INVS: variants seen among roughly 807,000 people sequenced by gnomAD.
INVS encodes inversin.
Under a neutral mutation model 108.8 loss-of-function variants are expected in INVS, and 86 were observed. The observed-to-expected ratio is 0.79, with a 90% CI of 0.66 to 0.95. INVS has a LOEUF of 0.95. Ranked by LOEUF, INVS falls within the 40% of genes least tolerant of loss-of-function variation. INVS has a pLI of 0.00. For missense variants in INVS, 1,169 were observed against 1,297.4 expected (o/e 0.90, Z 1.52); for synonymous variants, 455 against 473.5 (o/e 0.96, Z 0.51).
At chr9:100,176,718 C>A (rs949508749) in intron 3 of INVS, among the ~76,000 whole-genome samples, 1 of 152,018 alleles carries the variant, frequency 6.6e-6, no homozygotes, top group African/African-American at 2.4e-5. Context: ...CCTTGTGATC[C>A]GCCCGCCTCA....
intron 10 of INVS, among the ~76,000 whole-genome samples, chr9:100,256,269 A>C (rs1428053966): frequency 6.6e-6 from 1 of 151,904 alleles, no homozygotes; most frequent in Non-Finnish European, 1.5e-5. Context: ...TATTCCCTTT[A>C]TCATTTTTTA....
chr9:100,249,522 T>G (rs1422883717), intron 8 of INVS, among the ~76,000 whole-genome samples: 1 of 151,984 alleles, frequency 6.6e-6, no homozygotes, highest in African/African-American at 2.4e-5. Flanking sequence ...TGAGACAGAG[T>G]CTCACTCTCT....
chr9:100,122,890 A>G (rs1419126044), intron 2 of INVS, among the ~76,000 whole-genome samples: 2 of 152,006 alleles, frequency 1.3e-5, no homozygotes, highest in Non-Finnish European at 2.9e-5. Context: ...AGCCTAATCA[A>G]GTCTTCTTTT....
intron 4 of INVS, among the ~76,000 whole-genome samples, chr9:100,228,709 C>T (rs926859388): frequency 6.6e-6 from 1 of 152,190 alleles, no homozygotes; most frequent in Non-Finnish European, 1.5e-5. Flanking sequence ...CTCAGTTCAG[C>T]CACTTACTTC....
intron 7 of INVS, among the ~76,000 whole-genome samples, chr9:100,243,322 A>T (rs1326455954): frequency 1.3e-5 from 2 of 152,168 alleles, no homozygotes; most frequent in Non-Finnish European, 2.9e-5. Context: ...TAAGATGAGG[A>T]TAATTATACC....
chr9:100,139,673 C>T (rs1364156518), intron 3 of INVS, among the ~76,000 whole-genome samples: 1 of 152,148 alleles, frequency 6.6e-6, no homozygotes, highest in Non-Finnish European at 1.5e-5. Context: ...GATAGAGTCT[C>T]ACTTTGTCAC....
At chr9:100,151,488 T>A (rs549576543) in intron 3 of INVS, among the ~76,000 whole-genome samples, 1 of 151,446 alleles carries the variant, frequency 6.6e-6, no homozygotes, top group African/African-American at 2.4e-5. Flanking sequence ...AAAAAAATAA[T>A]AATAAATATA....
chr9:100,183,416 A>G (rs779628134), intron 3 of INVS, among the ~76,000 whole-genome samples: 15 of 152,228 alleles, frequency 9.9e-5, no homozygotes, highest in Admixed American at 1.3e-4. Context: ...AGAATTCTGT[A>G]TCTGGTAAAA....
At chr9:100,299,517 C>A (rs1833887972) in intron 16 of INVS, among the ~76,000 whole-genome samples, 1 of 151,390 alleles carries the variant, frequency 6.6e-6, no homozygotes, top group Non-Finnish European at 1.5e-5. Context: ...TTGCAAACCA[C>A]CCACCAAGAA....
intron 5 of INVS, among the ~76,000 whole-genome samples, chr9:100,230,939 T>A (rs1485503923): frequency 6.6e-6 from 1 of 152,260 alleles, no homozygotes; most frequent in Non-Finnish European, 1.5e-5. Context: ...ATACTTTGTT[T>A]CCAGTTTTTT....
intron 3 of INVS, among the ~76,000 whole-genome samples, chr9:100,224,725 T>G (rs1831256740): frequency 6.6e-6 from 1 of 151,886 alleles, no homozygotes; most frequent in Non-Finnish European, 1.5e-5. Context: ...CAAGCAAGTC[T>G]CTGCCTCAGC....
At chr9:100,124,538 A>C (rs1049721587) in intron 2 of INVS, among the ~76,000 whole-genome samples, 2 of 136,362 alleles carry the variant, frequency 1.5e-5, no homozygotes, top group Admixed American at 7.1e-5. Context: ...ACACAGTGAG[A>C]CCCTCATTAA....
At chr9:100,208,233 G>A (rs562495697) in intron 3 of INVS, among the ~76,000 whole-genome samples, 1 of 152,176 alleles carries the variant, frequency 6.6e-6, no homozygotes, top group South Asian at 2.1e-4. Flanking sequence ...ATTTTTTAAA[G>A]ATGGCTAAAT....
At chr9:100,200,941 C>T (rs1830513762) in intron 3 of INVS, among the ~76,000 whole-genome samples, 1 of 152,194 alleles carries the variant, frequency 6.6e-6, no homozygotes, top group Non-Finnish European at 1.5e-5. Flanking sequence ...CACACTGCGG[C>T]CAGATTTCAT....
chr9:100,298,539 G>C (rs1427782793), intron 16 of INVS, among the ~76,000 whole-genome samples: 1 of 152,010 alleles, frequency 6.6e-6, no homozygotes, highest in Non-Finnish European at 1.5e-5. Flanking sequence ...CATTAAATAT[G>C]GGTGATAAGT....
At chr9:100,207,336 C>T (rs1028912553) in intron 3 of INVS, among the ~76,000 whole-genome samples, 1 of 152,040 alleles carries the variant, frequency 6.6e-6, no homozygotes, top group African/African-American at 2.4e-5. Context: ...CTCTGTCACC[C>T]AGGCTGGAAT....
chr9:100,273,111 C>T (rs777201858), intron 12 of INVS, 35 bp downstream of exon 12: 32 of 1,565,468 alleles, frequency 2.0e-5, no homozygotes, highest in Non-Finnish European at 2.7e-5. Flanking sequence ...GTTTTCGCCA[C>T]CCAGAATCAG....
intron 3 of INVS, among the ~76,000 whole-genome samples, chr9:100,212,158 A>G (rs1021644709): frequency 2.0e-5 from 3 of 152,212 alleles, no homozygotes; most frequent in Non-Finnish European, 2.9e-5. Context: ...GAGTACAAAC[A>G]GACATCTAAA....
intron 13 of INVS, among the ~76,000 whole-genome samples, chr9:100,289,302 T>G (rs1273608985): frequency 6.6e-6 from 1 of 152,250 alleles, no homozygotes; most frequent in Non-Finnish European, 1.5e-5. Flanking sequence ...TTTTCTGCTC[T>G]TCGAGCCTTC....
Sources: gnomAD v4.1 joint callset for allele counts (sites outside exome capture counted in the v4.1 genomes callset) on GRCh38, gnomAD v4.1.1 for gene constraint, MANE v1.5 for transcripts, NCBI Gene and HGNC (gene_info 2026-07-23, HGNC 2026-07-21) for gene names.